Variants in ZNF679 observed in about 807,000 individuals in gnomAD.
The protein encoded by ZNF679 is hypothetical protein MGC42415.
Under a neutral mutation model 13.4 loss-of-function variants are expected in ZNF679, and 10 were observed. The observed-to-expected ratio is 0.75, with a 90% CI of 0.46 to 1.27. The LOEUF (loss-of-function observed/expected upper bound fraction) is 1.27. Ranked by LOEUF, ZNF679 falls within the 50% of genes most tolerant of loss-of-function variation. ZNF679 has a pLI of 0.00. For synonymous variants in ZNF679, 179 were observed against 162.5 expected (o/e 1.10, Z -0.77); for missense variants, 525 against 477.8 (o/e 1.10, Z -0.92).
At chr7:64,240,504 A>T (rs903267575) in intron 1 of ZNF679, among the ~76,000 whole-genome samples, 1 of 152,212 alleles carries the variant, frequency 6.6e-6, no homozygotes, top group African/African-American at 2.4e-5. Flanking sequence ...TGAAGCCCGC[A>T]TGTGATACAG....
At chr7:64,243,952 T>C (rs995453956) in intron 1 of ZNF679, among the ~76,000 whole-genome samples, 1 of 152,146 alleles carries the variant, frequency 6.6e-6, no homozygotes, top group Non-Finnish European at 1.5e-5. Context: ...TATCTGCAAT[T>C]AATTAAGTTG....
rs776542011 is a variant in ZNF679, at chr7:64,265,994, GACAATTT to G, written c.366_372del (p.Asn122LysfsTer2). ...AAGAAGATATGGAAAAAGTGGACAT[GACAATTT>G]ACAAGTAAAAACATGTAAAAGCATG... is the stretch of plus-strand genomic sequence containing the variant. On this transcript the variant is annotated frameshift_variant, in exon 5 of 5. Coordinates refer to ENST00000421025, the MANE Select transcript of ZNF679 (RefSeq NM_153363.3). LOFTEE classifies it low-confidence loss of function (END_TRUNC). The G allele has an allele frequency of 6.2e-7, 1 of 1,613,662 alleles. No homozygotes were observed. Among genetic ancestry groups the G allele is most frequent in the Non-Finnish European group, 8.5e-7 (1 of 1,179,798 alleles).
At chr7:64,235,989 G>A (rs1484824437) in intron 1 of ZNF679, among the ~76,000 whole-genome samples, 13 of 152,082 alleles carry the variant, frequency 8.5e-5, no homozygotes, top group Admixed American at 2.6e-4. Flanking sequence ...AGAAGAGGCC[G>A]GGCGTGGTGC....
intron 1 of ZNF679, among the ~76,000 whole-genome samples, chr7:64,229,939 C>T (rs1342592610): frequency 1.3e-5 from 2 of 152,184 alleles, no homozygotes; most frequent in Non-Finnish European, 2.9e-5. Context: ...TGATATGTTA[C>T]AACACATGCT....
At chr7:64,262,040 G>A (rs1234688601) in intron 4 of ZNF679, among the ~76,000 whole-genome samples, 1 of 151,908 alleles carries the variant, frequency 6.6e-6, no homozygotes, top group South Asian at 2.1e-4. Context: ...ATTTTTAGTA[G>A]AGATGGGGTT....
Position 64,266,018 on chromosome 7 carries a change from A to G in ZNF679, c.385A>G (p.Lys129Glu). The G allele has an allele frequency of 2.5e-6, 4 of 1,613,722 alleles. No homozygotes were observed. The highest frequency in any genetic ancestry group is 3.4e-6 in the Non-Finnish European group (4 of 1,179,814). ...GHDNLQVKTC[K>E]SMGECEVQKG... is the part of the protein sequence containing the mutation. Reference sequence around the variant, plus strand: ...TGACAATTTACAAGTAAAAACATGTAAAAGCATGGGTGAGTGTGAGGTGCA... The same window carrying G: ...TGACAATTTACAAGTAAAAACATGTGAAAGCATGGGTGAGTGTGAGGTGCA... The change falls in exon 5 of 5, where the codon AAA (lysine) becomes GAA (glutamate). Residue 129 changes from lysine to glutamate, a missense_variant. Physicochemically the swap from Lys to Glu is moderately conservative, Grantham distance 56. Transcript: ENST00000421025.
intron 4 of ZNF679, among the ~76,000 whole-genome samples, chr7:64,262,654 T>G (rs1788093597): frequency 6.6e-6 from 1 of 152,202 alleles, no homozygotes; most frequent in Non-Finnish European, 1.5e-5. Context: ...GGGCCCCCTA[T>G]TTTGCTCTAT....
rs138659800 is a variant in ZNF679 at position 64,235,017 on chromosome 7, T to C, written c.-91+6365T>C. On this transcript the variant is annotated intron_variant, in intron 1 of 4. Transcript: ENST00000421025. The stretch of plus-strand genomic sequence containing the variant: ...CATGCCTGGCTAATTTTTGTATTTT[T>C]TCTAGAGACAGGGTTTCGCCATGTT... Among the ~76,000 whole-genome samples, 334 of 152,254 alleles carry C rather than the reference T, an allele frequency of 2.2e-3. 7 individuals are homozygous for C. The East Asian group carries it at 0.061, about 28-fold the overall frequency.
At position 64,260,874 on chromosome 7, in the gene ZNF679, G is replaced by T; in HGVS notation, c.207G>T (p.Glu69Asp). The change falls in exon 4 of 5, where the codon GAG becomes GAT. Residue 69 changes from glutamate to aspartate, a missense_variant. Coordinates refer to ENST00000421025, the MANE Select transcript of ZNF679 (RefSeq NM_153363.3). Reference sequence around the variant, plus strand: ...AGCCAGACTTGATCACCTGTCTGGAGCAAAATAAAGAGCCTTGGAATATAA... The same window carrying T: ...AGCCAGACTTGATCACCTGTCTGGATCAAAATAAAGAGCCTTGGAATATAA... The part of the protein sequence containing the change: ...VSKPDLITCL[E>D]QNKEPWNIKR... 2 of 1,611,586 alleles carry T rather than the reference G, an allele frequency of 1.2e-6. No individual in the cohort carries two copies. The highest frequency in any genetic ancestry group is 1.7e-6 in the Non-Finnish European group (2 of 1,179,406).
At chr7:64,262,531 T>C (rs1788092192) in intron 4 of ZNF679, among the ~76,000 whole-genome samples, 1 of 152,358 alleles carries the variant, frequency 6.6e-6, no homozygotes. Flanking sequence ...ATTTTTTCAA[T>C]GTAGATATCC....
chr7:64,244,100 A>G lies in ZNF679; in HGVS notation c.-90-4928A>G, dbSNP rs1787835615. 2.0e-5 allele frequency among the ~76,000 whole-genome samples: 3 copies of G among 152,034 alleles called. No homozygotes were observed. The South Asian group carries it at 6.2e-4, about 32-fold the overall frequency. On this transcript the variant is annotated intron_variant, in intron 1 of 4. Transcript: ENST00000421025. ...CTTGGTCTCTAATAAAAATGCAAAA[A>G]TTAGCCAGGTGTGGTGATGGGCATG... is the stretch of plus-strand genomic sequence containing the variant.
intron 4 of ZNF679, among the ~76,000 whole-genome samples, chr7:64,262,100 C>G (rs1788085139): frequency 6.6e-6 from 1 of 152,174 alleles, no homozygotes. Flanking sequence ...AGGTGATCTG[C>G]CCACCTCGGC....
chr7:64,243,692 G>A (rs1015484759), intron 1 of ZNF679, among the ~76,000 whole-genome samples: 13 of 152,112 alleles, frequency 8.5e-5, no homozygotes, highest in East Asian at 1.9e-4. Context: ...TTATCTAGGC[G>A]CTCAATCTAA....
At chr7:64,265,817 A>T in intron 4 of ZNF679, 79 bp from the exon 5 acceptor site, 6 of 1,475,448 alleles carry the variant, frequency 4.1e-6, no homozygotes, top group Non-Finnish European at 5.4e-6. Context: ...TACCTTGTAT[A>T]ATTTTATATA....
chr7:64,256,444 G>A (rs998680902), intron 2 of ZNF679, among the ~76,000 whole-genome samples: 2 of 152,112 alleles, frequency 1.3e-5, no homozygotes, highest in Non-Finnish European at 2.9e-5. Context: ...TTGTGGGATT[G>A]CTGGGTCAAA....
intron 1 of ZNF679, among the ~76,000 whole-genome samples, chr7:64,231,128 G>A (rs1306576768): frequency 6.6e-6 from 1 of 152,188 alleles, no homozygotes; most frequent in Non-Finnish European, 1.5e-5. Flanking sequence ...ATATGCATAT[G>A]AGTGTTGTAA....
chr7:64,260,077 T>C (rs763831835), intron 2 of ZNF679, 144 bp from the exon 3 acceptor site: 16 of 606,646 alleles, frequency 2.6e-5, no homozygotes, highest in Non-Finnish European at 3.8e-5. Context: ...AAAATTATCA[T>C]TGAATAATTT....
intron 1 of ZNF679, among the ~76,000 whole-genome samples, chr7:64,247,655 G>A (rs1421266195): frequency 1.3e-5 from 2 of 152,024 alleles, no homozygotes; most frequent in Non-Finnish European, 2.9e-5. Context: ...CTGGGTTCAG[G>A]CGATTCTCCT....
chr7:64,248,420 C>T (rs1584231683), intron 1 of ZNF679, among the ~76,000 whole-genome samples: 1 of 152,006 alleles, frequency 6.6e-6, no homozygotes, highest in Admixed American at 6.6e-5. Context: ...GTAGCTGGGA[C>T]TACAGACGCC....
Sources: gnomAD v4.1 joint callset for allele counts (sites outside exome capture counted in the v4.1 genomes callset) on GRCh38, gnomAD v4.1.1 for gene constraint, MANE v1.5 for transcripts, NCBI Gene and HGNC (gene_info 2026-07-23, HGNC 2026-07-21) for gene names.